DOK6: variants seen among roughly 807,000 people sequenced by gnomAD.
The protein encoded by DOK6 is docking protein 6, also known as downstream of tyrosine kinase 6.
DOK6 carries 22 observed loss-of-function variants against 44.0 expected under a neutral mutation model. That is an observed-to-expected ratio of 0.50 (90% CI 0.36 to 0.71). The LOEUF (loss-of-function observed/expected upper bound fraction) is 0.71. Ranked by LOEUF, DOK6 falls within the 30% of genes least tolerant of loss-of-function variation. The probability of loss-of-function intolerance (pLI) is 0.00; values close to 1 mark genes in which losing one functional copy is unlikely to be tolerated. For missense variants in DOK6, 340 were observed against 416.4 expected (o/e 0.82, Z 1.60); for synonymous variants, 166 against 145.5 (o/e 1.14, Z -1.01).
rs73453181 is a variant in DOK6, at chr18:69,707,894, G to A, written c.599+9301G>A. ...GCTTCCTGAAGAAGATGATTTGCAC[G>A]GCGAATCATAAAATATGAGTTGGAC... On this transcript the variant is annotated intron_variant, in intron 5 of 7. Coordinates refer to ENST00000382713, the MANE Select transcript of DOK6 (RefSeq NM_152721.6). Among the ~76,000 whole-genome samples, 785 of 152,236 alleles carry A rather than the reference G, an allele frequency of 5.2e-3. 5 individuals carry two copies. Among genetic ancestry groups the A allele is most frequent in the African/African-American group, 0.017 (692 of 41,554 alleles).
intron 7 of DOK6, among the ~76,000 whole-genome samples, chr18:69,840,329 C>T (rs1982178946): frequency 6.6e-6 from 1 of 152,138 alleles, no homozygotes; most frequent in African/African-American, 2.4e-5. Context: ...TTTTCTTCTC[C>T]CTCTAAGCTC....
rs760034242 is a variant in DOK6 at position 69,493,319 on chromosome 18, C to G, written c.67-71168C>G. Among the ~76,000 whole-genome samples, 45 of 152,140 alleles carry G rather than the reference C, an allele frequency of 3.0e-4. 1 individual carries two copies. The stretch of plus-strand genomic sequence containing the variant: ...AGGTTCAAACAGGCAGTAAACACAG[C>G]CTGTCCAACAATGCACCATGTTTAG... On this transcript the variant is annotated intron_variant, in intron 1 of 7. Coordinates refer to ENST00000382713, the MANE Select transcript of DOK6 (RefSeq NM_152721.6).
chr18:69,779,107 C>T (rs771810798), intron 7 of DOK6, among the ~76,000 whole-genome samples: 17 of 152,116 alleles, frequency 1.1e-4, no homozygotes, highest in Admixed American at 4.6e-4. Context: ...TTGATATTTA[C>T]GGTGCTTCAT....
intron 3 of DOK6, among the ~76,000 whole-genome samples, chr18:69,627,339 A>G (rs1275741408): frequency 6.6e-6 from 1 of 152,206 alleles, no homozygotes; most frequent in African/African-American, 2.4e-5. Flanking sequence ...TTAACCCAAA[A>G]GTTGTAGCAG....
chr18:69,767,578 C>G (rs1705123532), intron 7 of DOK6, among the ~76,000 whole-genome samples: 1 of 152,040 alleles, frequency 6.6e-6, no homozygotes. Flanking sequence ...CTCATCCACA[C>G]CCACCCTACC....
chr18:69,467,951 A>G (rs1979975774), intron 1 of DOK6, among the ~76,000 whole-genome samples: 1 of 152,170 alleles, frequency 6.6e-6, no homozygotes. Flanking sequence ...GCATGGAGAG[A>G]CAGCTTGCAG....
chr18:69,466,440 A>G (rs1979929590), intron 1 of DOK6, among the ~76,000 whole-genome samples: 1 of 152,138 alleles, frequency 6.6e-6, no homozygotes, highest in African/African-American at 2.4e-5. Flanking sequence ...TGGATTTTAT[A>G]TCTTGGCTAT....
intron 5 of DOK6, among the ~76,000 whole-genome samples, chr18:69,699,788 A>G (rs1043179442): frequency 5.3e-5 from 8 of 152,002 alleles, no homozygotes; most frequent in Non-Finnish European, 1.2e-4. Flanking sequence ...TCACTGACCT[A>G]AAATCTATGA....
At chr18:69,559,638 A>T (rs1048437982) in intron 1 of DOK6, among the ~76,000 whole-genome samples, 12 of 152,160 alleles carry the variant, frequency 7.9e-5, no homozygotes, top group South Asian at 4.1e-4. Flanking sequence ...GTTTTAAAAA[A>T]ATATATCTAA....
chr18:69,499,672 C>A (rs368385986), intron 1 of DOK6, among the ~76,000 whole-genome samples: 281 of 152,298 alleles, frequency 1.8e-3, no homozygotes, highest in African/African-American at 6.4e-3. Context: ...CGGCTTCCTA[C>A]TCCATATTCT....
At chr18:69,814,957 G>A (rs77128912) in intron 7 of DOK6, among the ~76,000 whole-genome samples, 122 of 152,250 alleles carry the variant, frequency 8.0e-4, no homozygotes, top group Non-Finnish European at 1.5e-3. Flanking sequence ...AGATGGAGAG[G>A]TGGCGAGGTA....
chr18:69,422,230 G>A (rs924300128), intron 1 of DOK6, among the ~76,000 whole-genome samples: 2 of 152,034 alleles, frequency 1.3e-5, no homozygotes, highest in Non-Finnish European at 2.9e-5. Flanking sequence ...CAAGAGTTCT[G>A]CTTTTAAAAA....
At chr18:69,699,115 T>C (rs924258749) in intron 5 of DOK6, among the ~76,000 whole-genome samples, 1 of 152,156 alleles carries the variant, frequency 6.6e-6, no homozygotes, top group Admixed American at 6.5e-5. Flanking sequence ...TGATTCACAA[T>C]CATTATTAAT....
At chr18:69,603,465 C>CT (rs529952683) in intron 3 of DOK6, among the ~76,000 whole-genome samples, 167 of 152,254 alleles carry the variant, frequency 1.1e-3, no homozygotes, top group Middle Eastern at 3.4e-3. Context: ...CCAAAGATTT[C>CT]TAGATACCCT....
chr18:69,475,243 C>T (rs2144525409), intron 1 of DOK6, among the ~76,000 whole-genome samples: 1 of 152,242 alleles, frequency 6.6e-6, no homozygotes, highest in South Asian at 2.1e-4. Context: ...TGGAATCTTA[C>T]TTTCACAGAG....
At chr18:69,809,580 A>ACC (rs1947469811) in intron 7 of DOK6, among the ~76,000 whole-genome samples, 1 of 151,212 alleles carries the variant, frequency 6.6e-6, no homozygotes, top group African/African-American at 2.4e-5. Flanking sequence ...ACACACACAC[A>ACC]CACACACACA....
Position 69,593,301 on chromosome 18 carries a change from GT to G in DOK6, c.175-6080del, listed in dbSNP as rs1449027207. ...GCAAGAGGATTGCTTGAACCCAGGAGTTTGAGGCTGCAGTGAGCTGTGATCT... is the reference window on the plus strand; with the variant it reads ...GCAAGAGGATTGCTTGAACCCAGGAGTTGAGGCTGCAGTGAGCTGTGATCT... On this transcript the variant is annotated intron_variant, in intron 2 of 7. Transcript: ENST00000382713. Among the ~76,000 whole-genome samples, 18 of 151,998 alleles carry G rather than the reference GT, an allele frequency of 1.2e-4. No homozygotes were observed. The East Asian group carries it at 3.3e-3, about 28-fold the overall frequency.
chr18:69,617,186 G>A (rs570962650), intron 3 of DOK6, among the ~76,000 whole-genome samples: 2 of 152,240 alleles, frequency 1.3e-5, no homozygotes, highest in South Asian at 4.1e-4. Context: ...TGGGAGTGGT[G>A]GCTCACGCCT....
intron 1 of DOK6, among the ~76,000 whole-genome samples, chr18:69,544,832 A>T (rs188143932): frequency 1.8e-4 from 27 of 151,208 alleles, no homozygotes; most frequent in African/African-American, 5.8e-4. Context: ...ATTTTGATTT[A>T]AAAAAAAATT....
Sources: gnomAD v4.1 joint callset for allele counts (sites outside exome capture counted in the v4.1 genomes callset) on GRCh38, gnomAD v4.1.1 for gene constraint, MANE v1.5 for transcripts, NCBI Gene and HGNC (gene_info 2026-07-23, HGNC 2026-07-21) for gene names.